The following ZNF214 variants were observed in gnomAD, a reference collection of about 807,000 sequenced individuals.
ZNF214 encodes zinc finger protein 214, also known as BWSCR2-associated zinc finger protein 1.
Under a neutral mutation model 53.9 loss-of-function variants are expected in ZNF214, and 43 were observed. That is an observed-to-expected ratio of 0.80 (90% CI 0.63 to 1.03). ZNF214 has a LOEUF of 1.03. Among genes scored for constraint, ZNF214 ranks in the 50% least tolerant of loss-of-function variants. The pLI, the probability that ZNF214 is intolerant of heterozygous loss-of-function variation, is 0.00. For missense variants in ZNF214, 724 were observed against 719.1 expected (o/e 1.01, Z -0.08); for synonymous variants, 217 against 229.5 (o/e 0.95, Z 0.49).
intron 1 of ZNF214, among the ~76,000 whole-genome samples, chr11:7,010,774 T>C (rs1851589480): frequency 6.6e-6 from 1 of 151,548 alleles, no homozygotes; most frequent in Non-Finnish European, 1.5e-5. Flanking sequence ...CCAATGAAAA[T>C]CAGATTTTTA....
chr11:7,014,868 C>G (rs1202249277), intron 1 of ZNF214, among the ~76,000 whole-genome samples: 3 of 148,924 alleles, frequency 2.0e-5, no homozygotes, highest in Non-Finnish European at 4.4e-5. Flanking sequence ...GTGCTGAGAT[C>G]ACGCTACTGG....
intron 1 of ZNF214, among the ~76,000 whole-genome samples, chr11:7,009,743 C>G (rs1851561308): frequency 6.6e-6 from 1 of 151,798 alleles, no homozygotes; most frequent in Admixed American, 6.6e-5. Flanking sequence ...AAAAACAACC[C>G]CATTAAAAAG....
At chr11:7,004,413 A>AG in intron 1 of ZNF214, among the ~76,000 whole-genome samples, 1 of 151,986 alleles carries the variant, frequency 6.6e-6, no homozygotes, top group East Asian at 1.9e-4. Flanking sequence ...ACTTCAGTAC[A>AG]GGTAGACCTG....
rs763878311 is a variant in ZNF214 at position 6,999,962 on chromosome 11, CTT to C, written c.1719_1720del (p.Arg574SerfsTer12). On this transcript the variant is annotated frameshift_variant, in exon 3 of 3. Transcript: ENST00000278314. LOFTEE classifies it high-confidence loss of function. ...GTAAGGTTTCTCTCCTGCATGGACTCTTTGATGAATTCGAAGAGCTGAGCTAT... is the reference window on the plus strand; with the variant it reads ...GTAAGGTTTCTCTCCTGCATGGACTCTGATGAATTCGAAGAGCTGAGCTAT... 2.1e-5 allele frequency: 34 copies of C among 1,613,180 alleles called. No homozygotes were observed. The highest frequency in any genetic ancestry group is 1.3e-4 in the South Asian group (12 of 91,044).
rs549889278 is a variant in ZNF214 at position 7,014,997 on chromosome 11, T to G, written c.-21+5076A>C. On this transcript the variant is annotated intron_variant, in intron 1 of 2. Transcript: ENST00000278314. ...TTGTACGTATGTTTTCATATATTCT[T>G]TTGCTTATAGGAAATACATCATAAT... Among the ~76,000 whole-genome samples, 281 of 151,954 alleles carry G rather than the reference T, an allele frequency of 1.8e-3. 4 individuals are homozygous for G. The highest frequency in any genetic ancestry group is 1.1e-3 in the Non-Finnish European group (77 of 67,972).
In ZNF214 at chr11:7,001,082, C is replaced by G; in HGVS notation, c.601G>C (p.Val201Leu). 1 of 1,613,382 alleles carries G rather than the reference C, an allele frequency of 6.2e-7. No individual in the cohort carries two copies. The highest frequency in any genetic ancestry group is 8.5e-7 in the Non-Finnish European group (1 of 1,179,590). Residue 201 changes from valine to leucine, a missense_variant, in exon 3 of 3, where the codon GTT becomes CTT. Physicochemically the swap from Val to Leu is conservative, Grantham distance 32. Coordinates refer to ENST00000278314, the MANE Select transcript of ZNF214 (RefSeq NM_013249.4). Reference protein sequence around the residue: ...IPVEEALPQYVGVICQEDLLR... With the variant: ...IPVEEALPQYLGVICQEDLLR... The stretch of plus-strand genomic sequence containing the variant: ...AGGTCTTCTTGACATATCACCCCAA[C>G]ATACTGTGGAAGGGCTTCCTCCACT...
At chr11:7,008,391 C>T (rs912191155) in intron 1 of ZNF214, among the ~76,000 whole-genome samples, 1 of 152,058 alleles carries the variant, frequency 6.6e-6, no homozygotes, top group East Asian at 1.9e-4. Context: ...TGTGATTGTA[C>T]CACTGCACTC....
rs529511807 is a variant in ZNF214 at position 7,004,949 on chromosome 11, A to C, written c.-20-2094T>G. ...GTATTAAATAATTTGTTATGCAATAATAGATAACTAATATTATTTGTAAAA... is the reference window on the plus strand; with the variant it reads ...GTATTAAATAATTTGTTATGCAATACTAGATAACTAATATTATTTGTAAAA... On this transcript the variant is annotated intron_variant, in intron 1 of 2. Coordinates refer to ENST00000278314, the MANE Select transcript of ZNF214 (RefSeq NM_013249.4). Among the ~76,000 whole-genome samples the C allele has an allele frequency of 3.2e-3, 486 of 152,196 alleles. 2 individuals carry two copies. Among genetic ancestry groups the C allele is most frequent in the Non-Finnish European group, 4.9e-3 (336 of 67,976 alleles).
At position 6,999,866 on chromosome 11, in the gene ZNF214, A is replaced by T; in HGVS notation, c.1817T>A (p.Leu606Ter). The part of the protein sequence containing the change: ...HLHNNHRRGN[L>*] ...TGTTAACTAAATGAACAATATTTAT[A>T]AGTTTCCTCTTCTATGATTATTGTG... The change falls in exon 3 of 3, where the codon TTA (leucine) becomes TAA (stop). Residue 606 changes from leucine (L) to a stop codon, truncating the protein, a stop_gained. Transcript: ENST00000278314. LOFTEE classifies it high-confidence loss of function. 2.5e-6 allele frequency: 4 copies of T among 1,600,110 alleles called. No homozygotes were observed. Among genetic ancestry groups the T allele is most frequent in the Non-Finnish European group, 3.4e-6 (4 of 1,172,970 alleles).
At chr11:7,011,793 A>G (rs1458174136) in intron 1 of ZNF214, among the ~76,000 whole-genome samples, 1 of 152,158 alleles carries the variant, frequency 6.6e-6, no homozygotes, top group Non-Finnish European at 1.5e-5. Context: ...AAGAGAGTTC[A>G]GCAAAACTAT....
At position 7,000,528 on chromosome 11, in the gene ZNF214, T is replaced by G; in HGVS notation, c.1155A>C (p.Pro385=). The G allele has an allele frequency of 6.2e-7, 1 of 1,612,272 alleles. No individual in the cohort carries two copies. The highest frequency in any genetic ancestry group is 8.5e-7 in the Non-Finnish European group (1 of 1,179,134). Residue 385 remains proline (P), a synonymous_variant, in exon 3 of 3, where the codon CCA becomes CCC. Coordinates refer to ENST00000278314, the MANE Select transcript of ZNF214 (RefSeq NM_013249.4). ...VHQRVHTGEK[P]YKCDECGKGF... is the part of the protein sequence containing the mutation. ...CCTTACCACACTCATCACACTTATA[T>G]GGTTTTTCTCCTGTGTGGACTCTCT... is the stretch of plus-strand genomic sequence containing the variant.
chr11:7,018,664 G>A (rs1851836227), intron 1 of ZNF214, among the ~76,000 whole-genome samples: 1 of 151,880 alleles, frequency 6.6e-6, no homozygotes, highest in Non-Finnish European at 1.5e-5. Flanking sequence ...ACAATGCCTG[G>A]CTAATTTTTG....
At chr11:7,004,395 A>C (rs1307027287) in intron 1 of ZNF214, among the ~76,000 whole-genome samples, 1 of 151,242 alleles carries the variant, frequency 6.6e-6, no homozygotes, top group Non-Finnish European at 1.5e-5. Flanking sequence ...CATAGTGTAC[A>C]ACTTCCCACT....
At chr11:7,010,104 A>G (rs900253453) in intron 1 of ZNF214, among the ~76,000 whole-genome samples, 3 of 152,176 alleles carry the variant, frequency 2.0e-5, no homozygotes, top group African/African-American at 7.2e-5. Context: ...TCTACCATAA[A>G]GACAATAAGC....
chr11:7,016,862 A>G lies in ZNF214; in HGVS notation c.-21+3211T>C, dbSNP rs150175525. 7.4e-3 allele frequency among the ~76,000 whole-genome samples: 1,129 copies of G among 152,314 alleles called. 7 individuals are homozygous for G. Among genetic ancestry groups the G allele is most frequent in the Middle Eastern group, 0.01 (3 of 294 alleles). ...AAGAAACAGGAAAATGAAAGCAATT[A>G]CATATTAAATTTGGAAGTGAAGAAG... On this transcript the variant is annotated intron_variant, in intron 1 of 2. Transcript: ENST00000278314.
At chr11:7,003,899 ATAAGTT>A (rs1437997998) in intron 1 of ZNF214, among the ~76,000 whole-genome samples, 1 of 151,832 alleles carries the variant, frequency 6.6e-6, no homozygotes, top group Non-Finnish European at 1.5e-5. Flanking sequence ...TGTTTATAAA[ATAAGTT>A]TAATAAATTT....
intron 1 of ZNF214, among the ~76,000 whole-genome samples, chr11:7,005,162 A>G (rs1207956762): frequency 6.6e-6 from 1 of 151,232 alleles, no homozygotes; most frequent in Non-Finnish European, 1.5e-5. Flanking sequence ...TCTATATGAC[A>G]AATAGATATA....
intron 1 of ZNF214, among the ~76,000 whole-genome samples, chr11:7,010,133 G>A (rs147007505): frequency 8.8e-4 from 134 of 152,124 alleles, no homozygotes; most frequent in Non-Finnish European, 1.6e-3. Flanking sequence ...GTTCATTTCA[G>A]CACTATTCAC....
At chr11:7,012,071 T>C (rs1286241855) in intron 1 of ZNF214, among the ~76,000 whole-genome samples, 1 of 152,076 alleles carries the variant, frequency 6.6e-6, no homozygotes, top group Non-Finnish European at 1.5e-5. Flanking sequence ...TTCCTTAAAA[T>C]TGACAAGGAA....
Sources: gnomAD v4.1 joint callset for allele counts (sites outside exome capture counted in the v4.1 genomes callset) on GRCh38, gnomAD v4.1.1 for gene constraint, MANE v1.5 for transcripts, NCBI Gene and HGNC (gene_info 2026-07-23, HGNC 2026-07-21) for gene names.